NBEA: variants seen among roughly 807,000 people sequenced by gnomAD.
The protein encoded by NBEA is neurobeachin.
A neutral mutation model predicts 343.4 loss-of-function variants in NBEA; 44 were observed. The observed-to-expected ratio is 0.13, with a 90% confidence interval of 0.10 to 0.16. The LOEUF (loss-of-function observed/expected upper bound fraction) is 0.16, where lower values mean the gene tolerates loss of function less well. Ranked by LOEUF, NBEA falls within the 10% of genes least tolerant of loss-of-function variation. The probability of loss-of-function intolerance (pLI) is 1.00; values close to 1 mark genes in which losing one functional copy is unlikely to be tolerated. For missense variants in NBEA, 2,555 were observed against 3,631.3 expected (o/e 0.70, Z 7.62); for synonymous variants, 1,175 against 1,238.7 (o/e 0.95, Z 1.08).
intron 1 of NBEA, among the ~76,000 whole-genome samples, chr13:34,951,503 A>T (rs2059348725): frequency 6.6e-6 from 1 of 152,248 alleles, no homozygotes. Context: ...ACTGAAAGTG[A>T]TCTGTCCTAT....
At chr13:35,422,361 A>T in intron 38 of NBEA, among the ~76,000 whole-genome samples, 1 of 126,924 alleles carries the variant, frequency 7.9e-6, no homozygotes, top group African/African-American at 3.0e-5. Flanking sequence ...ATGTGTTCTC[A>T]TTGTTCAGTT....
intron 34 of NBEA, among the ~76,000 whole-genome samples, chr13:35,280,945 G>A (rs1021280348): frequency 1.3e-5 from 2 of 151,954 alleles, no homozygotes; most frequent in Admixed American, 1.3e-4. Flanking sequence ...TACACTAGAA[G>A]TGTTTTTTTA....
intron 49 of NBEA, among the ~76,000 whole-genome samples, chr13:35,640,350 G>A (rs1182445559): frequency 6.6e-6 from 1 of 152,140 alleles, no homozygotes; most frequent in African/African-American, 2.4e-5. Flanking sequence ...TAACACACAT[G>A]CCCCTTTGTG....
At chr13:35,028,219 A>G (rs1435008945) in intron 1 of NBEA, among the ~76,000 whole-genome samples, 1 of 151,870 alleles carries the variant, frequency 6.6e-6, no homozygotes, top group South Asian at 2.1e-4. Context: ...TATTTCCGGG[A>G]TTTATAGAAA....
chr13:35,633,533 A>C (rs1352845709), intron 49 of NBEA, among the ~76,000 whole-genome samples: 2 of 151,780 alleles, frequency 1.3e-5, no homozygotes, highest in African/African-American at 4.8e-5. Flanking sequence ...ATTGTATGCC[A>C]TAGGCAACAA....
At chr13:35,183,320 C>A (rs2071444046) in intron 29 of NBEA, among the ~76,000 whole-genome samples, 1 of 151,948 alleles carries the variant, frequency 6.6e-6, no homozygotes, top group Non-Finnish European at 1.5e-5. Context: ...ATTTCATGTA[C>A]CACTGGATTA....
chr13:35,458,045 AATTTC>A (rs1937877769), intron 40 of NBEA, among the ~76,000 whole-genome samples: 1 of 152,164 alleles, frequency 6.6e-6, no homozygotes, highest in Admixed American at 6.5e-5. Flanking sequence ...CATTTTACAA[AATTTC>A]ATGTGGACAT....
chr13:35,403,893 TCAAA>T lies in NBEA; in HGVS notation c.6180-28371_6180-28368del, dbSNP rs934373928. 1.9e-3 allele frequency among the ~76,000 whole-genome samples: 283 copies of T among 151,916 alleles called. 2 individuals carry two copies. The highest frequency in any genetic ancestry group is 6.2e-3 in the African/African-American group (256 of 41,416). ...CTAATATCCAGAATCTACAAAGAAC[TCAAA>T]CAAATTTACAAGAAAAAAACAACAC... is the stretch of plus-strand genomic sequence containing the variant. On this transcript the variant is annotated intron_variant, in intron 38 of 58. Coordinates refer to ENST00000379939, the MANE Select transcript of NBEA (RefSeq NM_001385012.1).
rs1212862615 is a variant in NBEA at position 35,579,315 on chromosome 13, T to A, written c.7036-4583T>A. On this transcript the variant is annotated intron_variant, in intron 45 of 58. Coordinates refer to ENST00000379939, the MANE Select transcript of NBEA (RefSeq NM_001385012.1). ...TAAATCAATAACTCTGTGCTCAGACTTTTATGTTCTCTAAAAGTTCTTCTG... is the reference window on the plus strand; with the variant it reads ...TAAATCAATAACTCTGTGCTCAGACATTTATGTTCTCTAAAAGTTCTTCTG... Among the ~76,000 whole-genome samples the A allele has an allele frequency of 2.0e-5, 3 of 152,298 alleles. No homozygotes were observed. In the East Asian group the frequency reaches 5.8e-4, roughly 29 times the overall value.
intron 38 of NBEA, among the ~76,000 whole-genome samples, chr13:35,422,875 G>A (rs1221998249): frequency 1.3e-5 from 2 of 152,160 alleles, no homozygotes; most frequent in African/African-American, 4.8e-5. Flanking sequence ...TTGTGGTTTT[G>A]ATTTGCATTT....
chr13:35,529,696 A>G (rs1256271287), intron 41 of NBEA, among the ~76,000 whole-genome samples: 1 of 152,168 alleles, frequency 6.6e-6, no homozygotes, highest in African/African-American at 2.4e-5. Flanking sequence ...TTTTATTACA[A>G]CCTTTCACTC....
chr13:35,238,688 C>T (rs1055798262), intron 34 of NBEA, among the ~76,000 whole-genome samples: 2 of 152,104 alleles, frequency 1.3e-5, no homozygotes, highest in African/African-American at 4.8e-5. Context: ...GAGGCTCTCC[C>T]TTTTAGGCTC....
At chr13:35,265,315 A>G (rs182963500) in intron 34 of NBEA, among the ~76,000 whole-genome samples, 2 of 152,040 alleles carry the variant, frequency 1.3e-5, no homozygotes, top group East Asian at 1.9e-4. Flanking sequence ...TATAAATTCA[A>G]TGCAGTCCCT....
At chr13:34,978,271 C>T (rs1422585283) in intron 1 of NBEA, among the ~76,000 whole-genome samples, 1 of 152,156 alleles carries the variant, frequency 6.6e-6, no homozygotes, top group African/African-American at 2.4e-5. Flanking sequence ...CTTCAGATAA[C>T]TAATATTTAC....
intron 1 of NBEA, among the ~76,000 whole-genome samples, chr13:35,000,628 C>A (rs2061099728): frequency 6.6e-6 from 1 of 150,832 alleles, no homozygotes; most frequent in Non-Finnish European, 1.5e-5. Context: ...TAAAAGCATA[C>A]ACAAATGCAG....
chr13:35,612,202 G>A (rs376545677), intron 48 of NBEA, among the ~76,000 whole-genome samples: 32 of 151,164 alleles, frequency 2.1e-4, no homozygotes, highest in African/African-American at 7.3e-4. Flanking sequence ...GCACCATCTC[G>A]GCTCACTACA....
intron 27 of NBEA, among the ~76,000 whole-genome samples, chr13:35,176,007 GTAT>G (rs1468021020): frequency 6.6e-6 from 1 of 151,994 alleles, no homozygotes; most frequent in Non-Finnish European, 1.5e-5. Context: ...TGTAAATTAT[GTAT>G]TATTTTCTTT....
intron 10 of NBEA, among the ~76,000 whole-genome samples, chr13:35,085,892 A>G (rs1358200012): frequency 1.3e-5 from 2 of 152,186 alleles, no homozygotes; most frequent in African/African-American, 4.8e-5. Flanking sequence ...AAGTCTCAGG[A>G]TACAAAATCA....
chr13:35,089,637 A>G (rs2064969243), intron 10 of NBEA, among the ~76,000 whole-genome samples: 2 of 127,174 alleles, frequency 1.6e-5, no homozygotes, highest in Admixed American at 1.6e-4. Context: ...ATTATTCACA[A>G]TAGCAAAGAC....
Sources: gnomAD v4.1 joint callset for allele counts (sites outside exome capture counted in the v4.1 genomes callset) on GRCh38, gnomAD v4.1.1 for gene constraint, MANE v1.5 for transcripts, NCBI Gene and HGNC (gene_info 2026-07-23, HGNC 2026-07-21) for gene names.